Variants in SYT1 observed in about 807,000 individuals in gnomAD.
The protein encoded by SYT1 is synaptotagmin-1.
Under a neutral mutation model 44.8 loss-of-function variants are expected in SYT1, and 8 were observed. That is an observed-to-expected ratio of 0.18 (90% CI 0.10 to 0.32). The LOEUF (loss-of-function observed/expected upper bound fraction) is 0.32. SYT1 is among the 10% of genes least tolerant of loss of function. The probability of loss-of-function intolerance (pLI) is 1.00; values close to 1 mark genes in which losing one functional copy is unlikely to be tolerated. For missense variants in SYT1, 286 were observed against 509.3 expected (o/e 0.56, Z 4.22); for synonymous variants, 154 against 188.8 (o/e 0.82, Z 1.51).
chr12:79,217,447 G>A (rs1874876349), intron 3 of SYT1, 56 bp from the exon 4 acceptor site: 1 of 1,418,874 alleles, frequency 7.0e-7, no homozygotes, highest in Non-Finnish European at 9.2e-7. Context: ...TACCTTTGAT[G>A]TGGGAGCAGT....
chr12:79,075,458 T>C (rs970745984), intron 3 of SYT1, among the ~76,000 whole-genome samples: 5 of 152,182 alleles, frequency 3.3e-5, no homozygotes, highest in Non-Finnish European at 7.4e-5. Flanking sequence ...AAGAACACTT[T>C]CCTGATATAA....
intron 4 of SYT1, among the ~76,000 whole-genome samples, chr12:79,251,471 C>G (rs1157956851): frequency 1.3e-5 from 2 of 152,144 alleles, no homozygotes; most frequent in Admixed American, 1.3e-4. Context: ...CCTTAGTCAT[C>G]AAATCTAGAT....
chr12:79,017,124 C>T (rs144968205), intron 2 of SYT1, among the ~76,000 whole-genome samples: 25 of 152,206 alleles, frequency 1.6e-4, no homozygotes, highest in African/African-American at 6.0e-4. Flanking sequence ...AAAAAACAAC[C>T]TCAAGTCAGC....
At position 79,236,521 on chromosome 12, in the gene SYT1, G is replaced by A. The variant is rs1000428473; in HGVS notation, c.166+18836G>A. On this transcript the variant is annotated intron_variant, in intron 4 of 10. Coordinates refer to ENST00000261205, the MANE Select transcript of SYT1 (RefSeq NM_005639.3). ...AGACTAAGACTCAATTCAAATGCTA[G>A]CTCTTCTATAAAGCTCCTGCTGAAT... 7.2e-5 allele frequency among the ~76,000 whole-genome samples: 11 copies of A among 152,216 alleles called. No individual in the cohort carries two copies. The East Asian group carries it at 2.1e-3, about 29-fold the overall frequency.
chr12:79,107,754 C>T (rs1220624910), intron 3 of SYT1, among the ~76,000 whole-genome samples: 1 of 151,826 alleles, frequency 6.6e-6, no homozygotes, highest in Non-Finnish European at 1.5e-5. Context: ...AAACCAGTAA[C>T]TTGATGTTGT....
intron 8 of SYT1, among the ~76,000 whole-genome samples, chr12:79,310,334 T>C (rs944861114): frequency 3.3e-5 from 5 of 152,212 alleles, no homozygotes; most frequent in East Asian, 1.9e-4. Context: ...TGTAGATATG[T>C]GGCGTTATTT....
At chr12:78,942,144 A>T (rs1306108827) in intron 1 of SYT1, among the ~76,000 whole-genome samples, 1 of 152,206 alleles carries the variant, frequency 6.6e-6, no homozygotes, top group Non-Finnish European at 1.5e-5. Flanking sequence ...ATTAACCTTC[A>T]TTTGATTCCT....
chr12:78,927,958 G>A (rs1877397666), intron 1 of SYT1, among the ~76,000 whole-genome samples: 1 of 151,932 alleles, frequency 6.6e-6, no homozygotes, highest in South Asian at 2.1e-4. Context: ...TGTGTTTTTC[G>A]GTATTTCTCC....
At chr12:78,903,336 AGCACAGTG>A (rs762349524) in intron 1 of SYT1, among the ~76,000 whole-genome samples, 20 of 151,982 alleles carry the variant, frequency 1.3e-4, no homozygotes, top group Middle Eastern at 3.4e-3. Flanking sequence ...CTCAGGCTGG[AGCACAGTG>A]GCACGATCTT....
chr12:79,079,799 CAG>C (rs1177221353), intron 3 of SYT1, among the ~76,000 whole-genome samples: 1 of 151,970 alleles, frequency 6.6e-6, no homozygotes, highest in East Asian at 1.9e-4. Context: ...AGTGATAAAA[CAG>C]ATTTTAGATC....
intron 2 of SYT1, among the ~76,000 whole-genome samples, chr12:78,984,412 A>G (rs1012366579): frequency 6.6e-6 from 1 of 152,024 alleles, no homozygotes; most frequent in African/African-American, 2.4e-5. Context: ...AAAAGTGAAT[A>G]AAACATGCAT....
At chr12:79,409,591 C>T (rs1403886253) in intron 9 of SYT1, among the ~76,000 whole-genome samples, 1 of 152,060 alleles carries the variant, frequency 6.6e-6, no homozygotes, top group Non-Finnish European at 1.5e-5. Flanking sequence ...TCCAGAACAG[C>T]CTTATTAGAG....
At chr12:79,254,738 G>A (rs1167836438) in intron 4 of SYT1, among the ~76,000 whole-genome samples, 1 of 152,202 alleles carries the variant, frequency 6.6e-6, no homozygotes, top group Non-Finnish European at 1.5e-5. Context: ...ATTAACAGGA[G>A]TTTGGAAGAA....
chr12:79,311,373 T>C, intron 8 of SYT1, among the ~76,000 whole-genome samples: 1 of 150,148 alleles, frequency 6.7e-6, no homozygotes, highest in East Asian at 2.0e-4. Flanking sequence ...AAACAACAGG[T>C]GCTGGAGAGG....
At chr12:79,052,184 T>C (rs1874553361) in intron 3 of SYT1, among the ~76,000 whole-genome samples, 3 of 152,134 alleles carry the variant, frequency 2.0e-5, no homozygotes, top group Non-Finnish European at 4.4e-5. Context: ...TCCATTTGTT[T>C]GTATCCTCTT....
chr12:79,026,667 TTATATATATATA>T (rs3064320), intron 2 of SYT1, among the ~76,000 whole-genome samples: 105 of 102,256 alleles, frequency 1.0e-3, no homozygotes, highest in Non-Finnish European at 1.7e-3. Context: ...CATATATATT[TTATATATATATA>T]TATATATATA....
intron 1 of SYT1, among the ~76,000 whole-genome samples, chr12:78,954,112 A>G (rs1336594736): frequency 7.9e-5 from 12 of 152,090 alleles, no homozygotes; most frequent in African/African-American, 2.9e-4. Context: ...TTAATCTCCA[A>G]TTAGATCATG....
At chr12:78,934,359 A>G (rs1345739359) in intron 1 of SYT1, among the ~76,000 whole-genome samples, 1 of 151,980 alleles carries the variant, frequency 6.6e-6, no homozygotes, top group Non-Finnish European at 1.5e-5. Flanking sequence ...TATCTCTACA[A>G]AAACAAACAA....
At chr12:78,929,596 G>T (rs1877521653) in intron 1 of SYT1, among the ~76,000 whole-genome samples, 1 of 151,490 alleles carries the variant, frequency 6.6e-6, no homozygotes, top group East Asian at 1.9e-4. Flanking sequence ...ATTTTCAAAA[G>T]ACAAATTTTA....
Sources: gnomAD v4.1 joint callset for allele counts (sites outside exome capture counted in the v4.1 genomes callset) on GRCh38, gnomAD v4.1.1 for gene constraint, MANE v1.5 for transcripts, NCBI Gene and HGNC (gene_info 2026-07-23, HGNC 2026-07-21) for gene names.